The following UBR4 variants were observed in gnomAD, a reference collection of about 807,000 sequenced individuals.
The protein encoded by UBR4 is E3 ubiquitin-protein ligase UBR4.
In UBR4, 124 loss-of-function variants were observed where a neutral mutation model predicts 575.6. That is an observed-to-expected ratio of 0.22 (90% confidence interval 0.19 to 0.25). UBR4 has a LOEUF of 0.25. Ranked by LOEUF, UBR4 falls within the 10% of genes least tolerant of loss-of-function variation. The pLI is 1.00. For synonymous variants in UBR4, 2,455 were observed against 2,473.7 expected, an observed-to-expected ratio of 0.99 and a Z score of 0.22; for missense variants, 4,818 against 6,478.8, an observed-to-expected ratio of 0.74 and a Z score of 8.80.
chr1:19,081,878 G>A (rs965098095), intron 102 of UBR4: 51 of 628,678 alleles, frequency 8.1e-5, no homozygotes, highest in African/African-American at 3.9e-4. Context: ...TATCAGGGAC[G>A]TTCACAATCT....
rs144933370 is a variant in UBR4 at position 19,157,812 on chromosome 1, C to T, written c.5760+3G>A. 1.6e-4 allele frequency: 264 copies of T among 1,613,430 alleles called. 1 individual carries two copies. In the African/African-American group the frequency reaches 2.7e-3, roughly 16 times the overall value. ...GTAAGCGCACAAGAATTGGAGGACC[C>T]ACCTTGCCCTTCTCATGGCTGACAG... On this transcript the variant is annotated splice_donor_region_variant and intron_variant, in intron 40 of 105. Transcript: ENST00000375254. This position sits in a 1 kb window ranked among gnomAD's most constrained non-coding sequence, Gnocchi z 4.4.
At chr1:19,105,299 C>T in intron 84 of UBR4, 110 bp from the exon 85 acceptor site, 11 of 1,321,904 alleles carry the variant, frequency 8.3e-6, no homozygotes, top group Non-Finnish European at 1.1e-5. Flanking sequence ...GTCTGTCTCT[C>T]CTGCTTCCTA....
rs2085097989 is a variant in UBR4 at position 19,147,940 on chromosome 1, T to C, written c.7629+53A>G. On this transcript the variant is annotated intron_variant, in intron 51 of 105. Coordinates refer to ENST00000375254, the MANE Select transcript of UBR4 (RefSeq NM_020765.3). ...TGTTGCTTTACAATGAAAAGCTAAC[T>C]TATTTGATTCCCTGTCAGCACTGCA... is the stretch of plus-strand genomic sequence containing the variant. 12 of 1,586,606 alleles carry C rather than the reference T, an allele frequency of 7.6e-6. No individual in the cohort carries two copies. The Admixed American group carries it at 1.4e-4, about 18-fold the overall frequency.
chr1:19,198,505 C>T (rs1214000500), intron 5 of UBR4, 36 bp downstream of exon 5: 1 of 1,596,268 alleles, frequency 6.3e-7, no homozygotes, highest in Non-Finnish European at 8.6e-7. Flanking sequence ...TTAACAAAAC[C>T]CACAGAGAAG....
In UBR4 at chr1:19,094,060, T is replaced by C; in HGVS notation, c.13826A>G (p.Asn4609Ser). The C allele has an allele frequency of 6.2e-7, 1 of 1,613,894 alleles. No homozygotes were observed. Residue 4609 changes from asparagine (N) to serine (S), a missense_variant, in exon 95 of 106, where the codon AAC becomes AGC. This residue lies in a region of UBR4 where 165 missense variants were observed against 282.3 expected (regional missense o/e 0.58). Transcript: ENST00000375254. Reference protein sequence around the residue: ...DQINSTFVRSNPSVLQGLLRI... With the variant: ...DQINSTFVRSSPSVLQGLLRI... ...AAGCAGGCCCTGGAGCACACTGGGG[T>C]TGGAGCGAACAAAGGTGCTGTTGAT... is the stretch of plus-strand genomic sequence containing the variant.
intron 68 of UBR4, among the ~76,000 whole-genome samples, chr1:19,120,864 A>C (rs2081098144): frequency 6.6e-6 from 1 of 152,242 alleles, no homozygotes; most frequent in South Asian, 2.1e-4. Context: ...TTACCAATGT[A>C]CTCAGTGTCA....
intron 28 of UBR4, among the ~76,000 whole-genome samples, 195 bp downstream of exon 28, chr1:19,167,832 A>G (rs536288948): frequency 8.5e-5 from 13 of 152,382 alleles, no homozygotes; most frequent in African/African-American, 2.9e-4. Context: ...CAAAGGAGGA[A>G]GTACTCTATT....
chr1:19,093,599 TA>T lies in UBR4; in HGVS notation c.13938-114del. On this transcript the variant is annotated intron_variant, in intron 95 of 105. Transcript: ENST00000375254. The surrounding 1 kb of genome is among the most constrained non-coding windows in gnomAD (Gnocchi z 4.8). ...TATAGAAGATCAAGGCTAAATTCCC[TA>T]ACGTGACACAAAGACCTATCTGCCC... 8.3e-7 allele frequency: 1 copy of T among 1,202,376 alleles called. No homozygotes were observed. The highest frequency in any genetic ancestry group is 1.2e-6 in the Non-Finnish European group (1 of 858,442). 74.5% of individuals were successfully genotyped at this position (1,202,376 alleles called of 1,614,324 possible).
chr1:19,166,415 T>C (rs1373256407), intron 29 of UBR4, among the ~76,000 whole-genome samples: 1 of 149,212 alleles, frequency 6.7e-6, no homozygotes, highest in East Asian at 2.0e-4. Flanking sequence ...CACTTGATAG[T>C]CATTAAAAAC....
In UBR4 at chr1:19,084,176, G is replaced by T. The variant is rs187514369; in HGVS notation, c.15008+328C>A. On this transcript the variant is annotated intron_variant, in intron 102 of 105. Transcript: ENST00000375254. ...GAGAACAGTCTGGAAAGTAGAAGTA[G>T]CCGCTGCATCGAAGTAGAGGCTTCA... 1.3e-3 allele frequency among the ~76,000 whole-genome samples: 195 copies of T among 152,370 alleles called. 1 individual carries two copies. The highest frequency in any genetic ancestry group is 4.6e-3 in the African/African-American group (192 of 41,598).
Position 19,160,196 on chromosome 1 carries a change from G to A in UBR4, c.5492C>T (p.Ala1831Val). Residue 1831 changes from alanine (A) to valine (V), a missense_variant, in exon 39 of 106, where the codon GCC becomes GTC. Around this residue, in one of 29 missense-constraint regions of UBR4, gnomAD observed 159 missense variants for 174.6 expected, o/e 0.91. Coordinates refer to ENST00000375254, the MANE Select transcript of UBR4 (RefSeq NM_020765.3). ...CTGAGCACGGCTGCTGCTCCCGACG[G>A]CTGAAGCTTGCTGGAAGTTGGTCTG... Reference protein sequence around the residue: ...AIQTNFQQASAVGSSSRAQQA... With the variant: ...AIQTNFQQASVVGSSSRAQQA... The A allele has an allele frequency of 1.2e-6, 2 of 1,613,896 alleles. No homozygotes were observed. The highest frequency in any genetic ancestry group is 1.7e-6 in the Non-Finnish European group (2 of 1,180,000).
intron 88 of UBR4, among the ~76,000 whole-genome samples, chr1:19,101,149 C>T (rs1405392487): frequency 1.3e-5 from 2 of 152,154 alleles, no homozygotes; most frequent in African/African-American, 2.4e-5. Context: ...GCACAAAATA[C>T]AGGGCAGCTA....
chr1:19,118,653 A>G (rs2080855915), intron 71 of UBR4: 1 of 578,364 alleles, frequency 1.7e-6, no homozygotes. Context: ...AGACCTTTCT[A>G]CATTACTACT....
chr1:19,189,904 A>C (rs1172935552), intron 11 of UBR4, among the ~76,000 whole-genome samples: 1 of 152,112 alleles, frequency 6.6e-6, no homozygotes, highest in Admixed American at 6.6e-5. Context: ...TACCGGCTTC[A>C]GATTTCAGCT....
rs766334309 is a variant in UBR4 at position 19,155,531 on chromosome 1, G to C, written c.6210C>G (p.Ile2070Met). The C allele has an allele frequency of 5.0e-6, 8 of 1,613,998 alleles. No individual in the cohort carries two copies. In the African/African-American group the frequency reaches 5.3e-5, roughly 11 times the overall value. ...TGGCCTCTTCCATAAGCTGAGTATA[G>C]ATGTACCCAGCCGAAGACATTATAA... ...IIVIMSSAGY[I>M]YTQLMEEASS... Residue 2070 changes from isoleucine to methionine, a missense_variant, in exon 43 of 106, where the codon ATC becomes ATG. Around this residue, in one of 29 missense-constraint regions of UBR4, gnomAD observed 461 missense variants for 606.9 expected, o/e 0.76. Coordinates refer to ENST00000375254, the MANE Select transcript of UBR4 (RefSeq NM_020765.3).
chr1:19,112,608 A>C lies in UBR4; in HGVS notation c.11717T>G (p.Ile3906Ser). The change falls in exon 78 of 106, where the codon ATC becomes AGC. Residue 3906 changes from isoleucine (I) to serine (S), a missense_variant. Physicochemically the swap from Ile to Ser is moderately radical, Grantham distance 142. Around this residue, in one of 29 missense-constraint regions of UBR4, gnomAD observed 333 missense variants for 459.2 expected, o/e 0.73. Coordinates refer to ENST00000375254, the MANE Select transcript of UBR4 (RefSeq NM_020765.3). ...AAGATTATAATCAAAGAGCTCCCGG[A>C]TAAGGCCCTGGGAGACAAGGATGTG... ...LRHILVSQGL[I>S]RELFDYNLRR... The C allele has an allele frequency of 6.2e-7, 1 of 1,614,264 alleles. No individual in the cohort carries two copies. Among genetic ancestry groups the C allele is most frequent in the Non-Finnish European group, 8.5e-7 (1 of 1,180,046 alleles).
In UBR4 at chr1:19,155,539, C is replaced by T; in HGVS notation, c.6202G>A (p.Gly2068Arg). The change falls in exon 43 of 106, where the codon GGG becomes AGG. Residue 2068 changes from glycine to arginine, a missense_variant. By Grantham distance (125) the Gly-to-Arg change is moderately radical. Around this residue, in one of 29 missense-constraint regions of UBR4, gnomAD observed 461 missense variants for 606.9 expected, o/e 0.76. Coordinates refer to ENST00000375254, the MANE Select transcript of UBR4 (RefSeq NM_020765.3). Reference protein sequence around the residue: ...KNIIVIMSSAGYIYTQLMEEA... With the variant: ...KNIIVIMSSARYIYTQLMEEA... ...TCCATAAGCTGAGTATAGATGTACC[C>T]AGCCGAAGACATTATAACAATGATG... 6.2e-7 allele frequency: 1 copy of T among 1,614,158 alleles called. No individual in the cohort carries two copies. Among genetic ancestry groups the T allele is most frequent in the Non-Finnish European group, 8.5e-7 (1 of 1,180,012 alleles).
rs534213924 is a variant in UBR4, at chr1:19,086,501, A to G, written c.14687+178T>C. 2.6e-5 allele frequency among the ~76,000 whole-genome samples: 4 copies of G among 152,344 alleles called. No homozygotes were observed. In the East Asian group the frequency reaches 7.7e-4, roughly 29 times the overall value. On this transcript the variant is annotated intron_variant, in intron 100 of 105. Transcript: ENST00000375254. ...TTCTCACTAGCCTTGGGCCCAGGCCAAAGCATATTTTCCTATCATTCAAAT... is the reference window on the plus strand; with the variant it reads ...TTCTCACTAGCCTTGGGCCCAGGCCGAAGCATATTTTCCTATCATTCAAAT...
intron 64 of UBR4, chr1:19,125,620 C>T (rs2081644522): frequency 6.6e-6 from 1 of 152,252 alleles, no homozygotes; most frequent in African/African-American, 2.4e-5. Context: ...AATGTGCAGG[C>T]TGGCAGGGCT....
Sources: gnomAD v4.1 joint callset for allele counts (sites outside exome capture counted in the v4.1 genomes callset) on GRCh38, gnomAD v4.1.1 for gene constraint, gnomAD v4.1.1 regional missense constraint, Gnocchi (gnomAD v3.1) non-coding constraint, MANE v1.5 for transcripts, NCBI Gene and HGNC (gene_info 2026-07-23, HGNC 2026-07-21) for gene names.